DDX4: variants seen among roughly 807,000 people sequenced by gnomAD.
DDX4 encodes DEAD-box helicase 4.
Under a neutral mutation model 100.0 loss-of-function variants are expected in DDX4, and 25 were observed. That is an observed-to-expected ratio of 0.25 (90% CI 0.18 to 0.35). The LOEUF (loss-of-function observed/expected upper bound fraction) is 0.35. DDX4 is among the 10% of genes least tolerant of loss of function. DDX4 has a pLI of 1.00. For synonymous variants in DDX4, 259 were observed against 275.7 expected (o/e 0.94, Z 0.60); for missense variants, 635 against 882.4 (o/e 0.72, Z 3.55).
chr5:55,790,100 G>A (rs1742471555), intron 15 of DDX4, among the ~76,000 whole-genome samples: 1 of 131,446 alleles, frequency 7.6e-6, no homozygotes. Flanking sequence ...TCCCCCAAAA[G>A]TATTGTAATT....
intron 16 of DDX4, among the ~76,000 whole-genome samples, chr5:55,791,567 A>C (rs549924534): frequency 1.3e-5 from 2 of 152,190 alleles, no homozygotes; most frequent in East Asian, 3.8e-4. Context: ...TAAGGATTTA[A>C]AGAGGTTAGA....
intron 15 of DDX4, among the ~76,000 whole-genome samples, chr5:55,789,893 T>C (rs1488970489): frequency 6.6e-6 from 1 of 152,120 alleles, no homozygotes; most frequent in East Asian, 1.9e-4. Context: ...CCACAGGTGA[T>C]TTTATTCTTT....
At chr5:55,749,501 A>G (rs1033246188) in intron 3 of DDX4, among the ~76,000 whole-genome samples, 1 of 152,100 alleles carries the variant, frequency 6.6e-6, no homozygotes, top group Non-Finnish European at 1.5e-5. Context: ...CCTGGTTAGA[A>G]AGTCAGCTCT....
At chr5:55,815,937 G>GTT (rs369016313) in intron 21 of DDX4, among the ~76,000 whole-genome samples, 11,963 of 109,028 alleles carry the variant, frequency 0.11, 1,109 homozygotes, top group East Asian at 0.26. Flanking sequence ...ATCTTAGCTG[G>GTT]TTTTTTTTTT....
At chr5:55,799,261 G>A (rs184789589) in intron 18 of DDX4, among the ~76,000 whole-genome samples, 38 of 152,120 alleles carry the variant, frequency 2.5e-4, no homozygotes, top group Admixed American at 2.0e-3. Flanking sequence ...AGAGATAGGG[G>A]TCTCACTATT....
chr5:55,800,371 T>TG (rs1364365282), intron 18 of DDX4, among the ~76,000 whole-genome samples: 1 of 151,078 alleles, frequency 6.6e-6, no homozygotes, highest in African/African-American at 2.4e-5. Context: ...TCACCCAGGC[T>TG]GGAGTACAGT....
chr5:55,765,413 AATATAT>A (rs397997793), intron 6 of DDX4, among the ~76,000 whole-genome samples: 15 of 83,006 alleles, frequency 1.8e-4, no homozygotes, highest in East Asian at 3.9e-4. Context: ...AAAAAAAAAA[AATATAT>A]ATATATATAT....
chr5:55,790,485 T>C, intron 15 of DDX4, 91 bp from the exon 16 acceptor site: 1 of 908,632 alleles, frequency 1.1e-6, no homozygotes. Flanking sequence ...TGTTTGTTTT[T>C]TTCTTTTTGG....
At chr5:55,798,220 C>G (rs948181079) in intron 17 of DDX4, among the ~76,000 whole-genome samples, 4 of 151,976 alleles carry the variant, frequency 2.6e-5, no homozygotes, top group African/African-American at 9.7e-5. Flanking sequence ...AACTTTTTTT[C>G]TAGTAGTTAT....
intron 18 of DDX4, among the ~76,000 whole-genome samples, chr5:55,803,946 A>G (rs1743513394): frequency 6.6e-6 from 1 of 151,966 alleles, no homozygotes; most frequent in African/African-American, 2.4e-5. Context: ...CAACAGTGTA[A>G]AAGTGTTCCT....
In DDX4 at chr5:55,763,166, C is replaced by CT. The variant is rs770248173; in HGVS notation, c.206-4dup. 1 of 1,593,726 alleles carries CT rather than the reference C, an allele frequency of 6.3e-7. No individual in the cohort carries two copies. Among genetic ancestry groups the CT allele is most frequent in the Non-Finnish European group, 8.6e-7 (1 of 1,162,710 alleles). The stretch of plus-strand genomic sequence containing the variant: ...ATGTTAAAGAGTTTAACTGTCCACC[C>CT]TTTTTCAGATGCTGGTGAGTGTAAT... On this transcript the variant is annotated splice_polypyrimidine_tract_variant and intron_variant, in intron 4 of 21. Transcript: ENST00000505374.
At chr5:55,816,405 C>G in intron 21 of DDX4, 58 bp from the exon 22 acceptor site, 2 of 1,534,208 alleles carry the variant, frequency 1.3e-6, no homozygotes, top group Non-Finnish European at 1.8e-6. Context: ...AACTTTAAAG[C>G]TGTCATAAAA....
rs1222028875 is a variant in DDX4 at position 55,796,841 on chromosome 5, T to C, written c.1470-1585T>C. Among the ~76,000 whole-genome samples the C allele has an allele frequency of 2.0e-4, 24 of 120,234 alleles. No homozygotes were observed. In the South Asian group the frequency reaches 2.2e-3, roughly 11 times the overall value. 78.9% of individuals were successfully genotyped at this position (120,234 alleles called of 152,430 possible). On this transcript the variant is annotated intron_variant, in intron 17 of 21. Transcript: ENST00000505374. ...TTTCTTTCTTTTTTTTTTTTTTTTT[T>C]TTTTTTTTTTTTTTTTGGAGACAAG...
intron 13 of DDX4, among the ~76,000 whole-genome samples, chr5:55,786,072 A>G (rs1386770284): frequency 1.3e-5 from 2 of 152,020 alleles, no homozygotes; most frequent in Non-Finnish European, 2.9e-5. Flanking sequence ...TTTCATCCCC[A>G]CTCCCCATAC....
At position 55,815,409 on chromosome 5, in the gene DDX4, G is replaced by A. The variant is rs779602219; in HGVS notation, c.2083G>A (p.Val695Ile). 9 of 1,611,400 alleles carry A rather than the reference G, an allele frequency of 5.6e-6. No homozygotes were observed. The South Asian group carries it at 1.0e-4, about 18-fold the overall frequency. The change falls in exon 21 of 22, where the codon GTT becomes ATT. Residue 695 changes from valine to isoleucine, a missense_variant. By Grantham distance (29) the Val-to-Ile change is conservative (BLOSUM62 3). Coordinates refer to ENST00000505374, the MANE Select transcript of DDX4 (RefSeq NM_024415.3). ...TACAAGAGGAAACGTGTTTGCATCA[G>A]TTGATACCAGAAAGGTTAGTAGAAA... The part of the protein sequence containing the change: ...GSTRGNVFAS[V>I]DTRKGKSTLN...
chr5:55,775,800 C>T (rs1741526568), intron 7 of DDX4, among the ~76,000 whole-genome samples: 1 of 152,112 alleles, frequency 6.6e-6, no homozygotes, highest in South Asian at 2.1e-4. Flanking sequence ...ACTATACCTT[C>T]TGGGAGGACT....
intron 17 of DDX4, among the ~76,000 whole-genome samples, chr5:55,794,249 G>A (rs950956744): frequency 3.3e-5 from 5 of 150,212 alleles, no homozygotes; most frequent in South Asian, 2.1e-4. Flanking sequence ...GTGCAATGGC[G>A]CGATCTTGGC....
intron 3 of DDX4, among the ~76,000 whole-genome samples, chr5:55,751,040 A>G (rs1200605000): frequency 6.6e-6 from 1 of 152,172 alleles, no homozygotes; most frequent in Non-Finnish European, 1.5e-5. Context: ...GTAGAATTAC[A>G]GGGTTATGGA....
At chr5:55,770,932 A>G (rs918493186) in intron 7 of DDX4, among the ~76,000 whole-genome samples, 1 of 152,152 alleles carries the variant, frequency 6.6e-6, no homozygotes, top group African/African-American at 2.4e-5. Flanking sequence ...CTTTAAATCA[A>G]TTTAATTCAT....
Sources: allele counts gnomAD v4.1 joint callset (sites outside exome capture counted in the v4.1 genomes callset), GRCh38; gene constraint gnomAD v4.1.1; transcripts MANE v1.5; gene names NCBI Gene and HGNC (gene_info 2026-07-23, HGNC 2026-07-21).